Variants in OLA1 observed in about 807,000 individuals in gnomAD.
The protein encoded by OLA1 is obg-like ATPase 1.
In OLA1, 14 loss-of-function variants were observed where a neutral mutation model predicts 48.4. That is an observed-to-expected ratio of 0.29 (90% CI 0.19 to 0.45). The LOEUF (loss-of-function observed/expected upper bound fraction) is 0.45, where lower values mean the gene tolerates loss of function less well. Ranked by LOEUF, OLA1 falls within the 20% of genes least tolerant of loss-of-function variation. OLA1 has a pLI of 1.00. For missense variants in OLA1, 325 were observed against 467.1 expected, an observed-to-expected ratio of 0.70 and a Z score of 2.80; for synonymous variants, 127 against 150.4, an observed-to-expected ratio of 0.84 and a Z score of 1.14.
intron 4 of OLA1, among the ~76,000 whole-genome samples, chr2:174,162,944 C>G (rs949815467): frequency 6.6e-6 from 1 of 152,124 alleles, no homozygotes; most frequent in Non-Finnish European, 1.5e-5. Context: ...ACTCAGGAGG[C>G]TGAGGTGGAG....
chr2:174,118,321 A>G (rs959580618), intron 7 of OLA1, among the ~76,000 whole-genome samples: 2 of 152,234 alleles, frequency 1.3e-5, no homozygotes, highest in Non-Finnish European at 2.9e-5. Context: ...TTGGTAACAA[A>G]ATATGACTCA....
At chr2:174,114,055 G>A (rs1176648971) in intron 7 of OLA1, among the ~76,000 whole-genome samples, 1 of 151,540 alleles carries the variant, frequency 6.6e-6, no homozygotes, top group East Asian at 1.9e-4. Flanking sequence ...TCGGCCGGGC[G>A]CGGTGGCTCA....
At chr2:174,155,542 T>G (rs1686856107) in intron 4 of OLA1, among the ~76,000 whole-genome samples, 1 of 152,170 alleles carries the variant, frequency 6.6e-6, no homozygotes, top group African/African-American at 2.4e-5. Flanking sequence ...CACAAGAAAT[T>G]TCTTGTTATC....
chr2:174,142,116 G>A lies in OLA1; in HGVS notation c.374-116C>T, dbSNP rs1574505212. On this transcript the variant is annotated intron_variant, in intron 4 of 10. Transcript: ENST00000284719. ...TAAATATAATAAATAAATTACTCTG[G>A]CTTCTTGGCAAGTAGGATATAGCAT... 3.4e-5 allele frequency: 31 copies of A among 919,726 alleles called. No individual in the cohort carries two copies. In the South Asian group the frequency reaches 4.6e-4, roughly 14 times the overall value. The allele number at this position is 919,726 out of a possible 1,614,324, so 57.0% of individuals were successfully genotyped here.
chr2:174,157,013 C>A (rs1445147337), intron 4 of OLA1, among the ~76,000 whole-genome samples: 13 of 132,354 alleles, frequency 9.8e-5, no homozygotes, highest in Non-Finnish European at 7.8e-5. Flanking sequence ...ATGGTCAAAT[C>A]TAAAAAAAAA....
chr2:174,123,638 TG>T lies in OLA1; in HGVS notation c.586del (p.Gln196LysfsTer19). ...MCKVKSWVID[Q>X]KKPVRFYHDW... ...ATGATAGAAGCGAACAGGTTTCTTTTGATCTATAACCCAGGATTTTACTTTG... is the reference window on the plus strand; with the variant it reads ...ATGATAGAAGCGAACAGGTTTCTTTTATCTATAACCCAGGATTTTACTTTG... On this transcript the variant is annotated frameshift_variant, in exon 6 of 11. Coordinates refer to ENST00000284719, the MANE Select transcript of OLA1 (RefSeq NM_013341.5). LOFTEE classifies it high-confidence loss of function. 6.3e-7 allele frequency: 1 copy of T among 1,599,196 alleles called. No individual in the cohort carries two copies. The highest frequency in any genetic ancestry group is 8.5e-7 in the Non-Finnish European group (1 of 1,174,230).
At chr2:174,078,489 T>G (rs1684795522) in intron 10 of OLA1, among the ~76,000 whole-genome samples, 1 of 151,994 alleles carries the variant, frequency 6.6e-6, no homozygotes, top group African/African-American at 2.4e-5. Context: ...TGCCCTCTAG[T>G]GTTGAGAAAG....
At chr2:174,198,283 T>C (rs576704373) in intron 4 of OLA1, among the ~76,000 whole-genome samples, 217 of 152,244 alleles carry the variant, frequency 1.4e-3, no homozygotes, top group Admixed American at 4.1e-3. Flanking sequence ...TTATATGCAA[T>C]GCTTGCAAAG....
chr2:174,199,674 A>C (rs1404005110), intron 4 of OLA1, among the ~76,000 whole-genome samples: 1 of 152,192 alleles, frequency 6.6e-6, no homozygotes, highest in African/African-American at 2.4e-5. Context: ...CCAAACAACC[A>C]AATGGGTAAA....
At chr2:174,145,141 C>T (rs963779942) in intron 4 of OLA1, among the ~76,000 whole-genome samples, 1 of 150,930 alleles carries the variant, frequency 6.6e-6, no homozygotes, top group Non-Finnish European at 1.5e-5. Context: ...TAATATATGT[C>T]AAGTGTTCAG....
At chr2:174,131,732 G>A (rs1030396066) in intron 5 of OLA1, among the ~76,000 whole-genome samples, 1 of 152,012 alleles carries the variant, frequency 6.6e-6, no homozygotes, top group Non-Finnish European at 1.5e-5. Context: ...AAGTACTTGT[G>A]AAGTCTCTGC....
At chr2:174,228,602 T>G (rs1039132555) in intron 3 of OLA1, among the ~76,000 whole-genome samples, 3 of 152,188 alleles carry the variant, frequency 2.0e-5, no homozygotes, top group African/African-American at 7.2e-5. Context: ...ACTTATTTTT[T>G]TAATTGAAGA....
At chr2:174,226,758 C>T (rs1307940690) in intron 3 of OLA1, among the ~76,000 whole-genome samples, 2 of 152,126 alleles carry the variant, frequency 1.3e-5, no homozygotes, top group African/African-American at 4.8e-5. Context: ...CTCGGCCTCC[C>T]AAAGTGCTGG....
At chr2:174,148,062 G>T (rs1164402715) in intron 4 of OLA1, among the ~76,000 whole-genome samples, 1 of 152,152 alleles carries the variant, frequency 6.6e-6, no homozygotes, top group Non-Finnish European at 1.5e-5. Flanking sequence ...CAAGTGGTCT[G>T]CCTGCCTGGC....
At chr2:174,158,035 A>G (rs956907559) in intron 4 of OLA1, among the ~76,000 whole-genome samples, 1 of 152,210 alleles carries the variant, frequency 6.6e-6, no homozygotes, top group Admixed American at 6.5e-5. Context: ...TGCATCCTCA[A>G]TACTTTTCTG....
At chr2:174,182,458 G>A (rs887611723) in intron 4 of OLA1, among the ~76,000 whole-genome samples, 6 of 152,166 alleles carry the variant, frequency 3.9e-5, no homozygotes, top group Admixed American at 3.3e-4. Flanking sequence ...CCCAGGAGGT[G>A]TAGGTTGTGG....
In OLA1 at chr2:174,075,261, G is replaced by C. The variant is rs1193285882; in HGVS notation, c.*165C>G. On this transcript the variant is annotated 3_prime_UTR_variant, in exon 11 of 11. Transcript: ENST00000284719. The stretch of plus-strand genomic sequence containing the variant: ...AGTGAACCTGCATTTCATGGGGGGG[G>C]GGGGGTACACAGTATTTTAATTTTA... 17 of 516,622 alleles carry C rather than the reference G, an allele frequency of 3.3e-5. No homozygotes were observed. The highest frequency in any genetic ancestry group is 2.3e-4 in the East Asian group (7 of 30,528). The allele number at this position is 516,622 out of a possible 1,614,324, so 32.0% of individuals were successfully genotyped here.
At chr2:174,126,131 C>T (rs1357165230) in intron 5 of OLA1, among the ~76,000 whole-genome samples, 1 of 151,864 alleles carries the variant, frequency 6.6e-6, no homozygotes, top group Non-Finnish European at 1.5e-5. Flanking sequence ...AGTAAAAATT[C>T]TAATTTTAGC....
rs1205567345 is a variant in OLA1 at position 174,075,334 on chromosome 2, T to G, written c.*92A>C. 11 of 698,580 alleles carry G rather than the reference T, an allele frequency of 1.6e-5. No individual in the cohort carries two copies. The highest frequency in any genetic ancestry group is 1.1e-4 in the Admixed American group (4 of 37,070). The allele number at this position is 698,580 out of a possible 1,614,324, so 43.3% of individuals were successfully genotyped here. A position where few individuals can be genotyped will look rare whatever the true frequency, so the allele number is the denominator to read the frequency against. On this transcript the variant is annotated 3_prime_UTR_variant, in exon 11 of 11. Transcript: ENST00000284719. Reference sequence around the variant, plus strand: ...TGTCAAAGATTCCCATCTCCCCAACTTTATTTGTCGCATTGGTTTTCAGAA... The same window carrying G: ...TGTCAAAGATTCCCATCTCCCCAACGTTATTTGTCGCATTGGTTTTCAGAA...
Sources: gnomAD v4.1 joint callset for allele counts (sites outside exome capture counted in the v4.1 genomes callset) on GRCh38, gnomAD v4.1.1 for gene constraint, MANE v1.5 for transcripts, NCBI Gene and HGNC (gene_info 2026-07-23, HGNC 2026-07-21) for gene names.